RCSD1: variants seen among roughly 807,000 people sequenced by gnomAD.
The protein encoded by RCSD1 is capZ-interacting protein.
Under a neutral mutation model 42.5 loss-of-function variants are expected in RCSD1, and 26 were observed. The observed-to-expected ratio is 0.61, with a 90% confidence interval of 0.45 to 0.85. The LOEUF (loss-of-function observed/expected upper bound fraction) is 0.85, where lower values mean the gene tolerates loss of function less well. Ranked by LOEUF, RCSD1 falls within the 40% of genes least tolerant of loss-of-function variation. RCSD1 has a pLI of 0.00. For synonymous variants in RCSD1, 220 were observed against 212.2 expected (o/e 1.04, Z -0.32); for missense variants, 571 against 528.3 (o/e 1.08, Z -0.79).
At chr1:167,697,013 C>A (rs1175836792) in intron 5 of RCSD1, 86 bp from the exon 6 acceptor site, 2 of 1,272,930 alleles carry the variant, frequency 1.6e-6, no homozygotes, top group Admixed American at 2.3e-5. Context: ...AGCAGTGCAC[C>A]AGACTGACAT....
At chr1:167,662,644 G>C (rs1658565530) in intron 1 of RCSD1, among the ~76,000 whole-genome samples, 1 of 152,158 alleles carries the variant, frequency 6.6e-6, no homozygotes, top group African/African-American at 2.4e-5. Flanking sequence ...TGCTAATTTG[G>C]AATAAAAGGA....
intron 1 of RCSD1, among the ~76,000 whole-genome samples, chr1:167,679,792 C>T (rs968037633): frequency 2.6e-5 from 4 of 152,140 alleles, no homozygotes; most frequent in South Asian, 2.1e-4. Flanking sequence ...CTTGGATGAG[C>T]GCAGAAGGTG....
intron 1 of RCSD1, among the ~76,000 whole-genome samples, chr1:167,679,902 C>T (rs145764697): frequency 2.0e-5 from 3 of 152,244 alleles, no homozygotes; most frequent in East Asian, 1.9e-4. Context: ...ACTGTGTTTA[C>T]GCAACATGGC....
chr1:167,641,945 C>G (rs184371655), intron 1 of RCSD1: 3 of 152,248 alleles, frequency 2.0e-5, no homozygotes, highest in Non-Finnish European at 4.4e-5. Context: ...ACCCCTGCTG[C>G]AAGTCCATTG....
chr1:167,682,582 T>G (rs2102230432), intron 1 of RCSD1, among the ~76,000 whole-genome samples: 1 of 152,056 alleles, frequency 6.6e-6, no homozygotes, highest in South Asian at 2.1e-4. Flanking sequence ...CATCTTAGAA[T>G]GACTAAAGTT....
At chr1:167,683,352 G>A (rs1472551777) in intron 1 of RCSD1, among the ~76,000 whole-genome samples, 4 of 152,196 alleles carry the variant, frequency 2.6e-5, no homozygotes, top group Non-Finnish European at 5.9e-5. Context: ...GGTAAGAGAT[G>A]GAGCAAGTCA....
intron 1 of RCSD1, 25 bp from the exon 2 acceptor site, chr1:167,683,871 TTAAC>T (rs1288928939): frequency 6.2e-7 from 1 of 1,606,006 alleles, no homozygotes; most frequent in Non-Finnish European, 8.5e-7. Flanking sequence ...CATTTGCTGA[TTAAC>T]TGTTTCTTCT....
chr1:167,693,887 T>C (rs1344547647), intron 4 of RCSD1, among the ~76,000 whole-genome samples: 1 of 149,738 alleles, frequency 6.7e-6, no homozygotes, highest in Non-Finnish European at 1.5e-5. Context: ...GAATGCAGCC[T>C]GTGGCAAGCC....
At chr1:167,665,530 C>T (rs891943864) in intron 1 of RCSD1, among the ~76,000 whole-genome samples, 1 of 152,128 alleles carries the variant, frequency 6.6e-6, no homozygotes, top group African/African-American at 2.4e-5. Flanking sequence ...ACTTCACGAG[C>T]AGCTACCAAA....
At chr1:167,648,525 GC>G (rs1658221675) in intron 1 of RCSD1, among the ~76,000 whole-genome samples, 1 of 152,226 alleles carries the variant, frequency 6.6e-6, no homozygotes, top group Non-Finnish European at 1.5e-5. Flanking sequence ...TTAGCAAAGA[GC>G]CCTTTCCTCC....
intron 3 of RCSD1, among the ~76,000 whole-genome samples, chr1:167,689,027 C>A (rs945766567): frequency 3.3e-5 from 5 of 152,194 alleles, no homozygotes; most frequent in African/African-American, 1.2e-4. Context: ...TCCTGGCATT[C>A]ATTCATCACA....
At chr1:167,690,194 G>T in intron 4 of RCSD1, 74 bp downstream of exon 4, 2 of 1,408,058 alleles carry the variant, frequency 1.4e-6, no homozygotes, top group Non-Finnish European at 2.0e-6. Flanking sequence ...GCATGACTTT[G>T]AGGCTCATAG....
intron 1 of RCSD1, among the ~76,000 whole-genome samples, chr1:167,642,439 A>C (rs1223668413): frequency 6.6e-6 from 1 of 152,266 alleles, no homozygotes; most frequent in Non-Finnish European, 1.5e-5. Flanking sequence ...TAATGTTTTC[A>C]ATGATGTCAG....
chr1:167,688,097 A>T (rs944619091), intron 3 of RCSD1, among the ~76,000 whole-genome samples: 5 of 152,180 alleles, frequency 3.3e-5, no homozygotes, highest in Non-Finnish European at 7.3e-5. Flanking sequence ...AAGGGAAATG[A>T]TGCCACCTGC....
At chr1:167,662,669 G>T (rs978150575) in intron 1 of RCSD1, among the ~76,000 whole-genome samples, 6 of 152,124 alleles carry the variant, frequency 3.9e-5, no homozygotes, top group African/African-American at 1.4e-4. Context: ...ATCATATTGG[G>T]CATTTTATTC....
chr1:167,674,761 G>T (rs184792568), intron 1 of RCSD1, among the ~76,000 whole-genome samples: 2 of 152,260 alleles, frequency 1.3e-5, no homozygotes, highest in East Asian at 1.9e-4. Flanking sequence ...TTCACTTAGC[G>T]TAATGTTTTC....
At chr1:167,699,932 C>A (rs1659598615) in intron 6 of RCSD1, among the ~76,000 whole-genome samples, 1 of 152,156 alleles carries the variant, frequency 6.6e-6, no homozygotes, top group African/African-American at 2.4e-5. Flanking sequence ...TCTAAGTGGA[C>A]CTCCCTCCAT....
chr1:167,700,306 AC>A, intron 6 of RCSD1, among the ~76,000 whole-genome samples: 1 of 152,206 alleles, frequency 6.6e-6, no homozygotes, highest in Middle Eastern at 3.4e-3. Context: ...TATGACTGAG[AC>A]CCCTGGGTTA....
chr1:167,660,582 CT>C (rs1658519743), intron 1 of RCSD1, among the ~76,000 whole-genome samples: 2 of 152,058 alleles, frequency 1.3e-5, no homozygotes, highest in African/African-American at 4.8e-5. Context: ...CCACCTCAGC[CT>C]CTTGAATACC....
Sources: allele counts gnomAD v4.1 joint callset (sites outside exome capture counted in the v4.1 genomes callset), GRCh38; gene constraint gnomAD v4.1.1; transcripts MANE v1.5; gene names NCBI Gene and HGNC (gene_info 2026-07-23, HGNC 2026-07-21).